Variants in AAGAB observed in about 807,000 individuals in gnomAD.
AAGAB encodes the protein alpha and gamma adaptin binding protein, also known as alpha- and gamma-adaptin-binding protein p34.
A neutral mutation model predicts 44.1 loss-of-function variants in AAGAB; 38 were observed. That is an observed-to-expected ratio of 0.86 (90% CI 0.67 to 1.13). The LOEUF is 1.13. AAGAB is among the 50% of genes most tolerant of loss of function. The probability of loss-of-function intolerance (pLI) is 0.00; values close to 1 mark genes in which losing one functional copy is unlikely to be tolerated. For synonymous variants in AAGAB, 131 were observed against 131.8 expected, an observed-to-expected ratio of 0.99 and a Z score of 0.04; for missense variants, 450 against 373.8, an observed-to-expected ratio of 1.20 and a Z score of -1.68.
At chr15:67,207,910 TATCTC>T (rs1393480246) in intron 7 of AAGAB, among the ~76,000 whole-genome samples, 2 of 152,234 alleles carry the variant, frequency 1.3e-5, no homozygotes, top group Non-Finnish European at 2.9e-5. Context: ...CTACATGAAT[TATCTC>T]ATAAGAAAAA....
At chr15:67,231,295 G>C (rs754692629) in intron 5 of AAGAB, among the ~76,000 whole-genome samples, 2 of 152,142 alleles carry the variant, frequency 1.3e-5, no homozygotes, top group Non-Finnish European at 2.9e-5. Flanking sequence ...TTCTCCACTT[G>C]CCGTTCTCCC....
chr15:67,255,035 C>A, upstream of AAGAB: 1 of 1,309,112 alleles, frequency 7.6e-7, no homozygotes, highest in South Asian at 1.2e-5. Context: ...GACGCTCACC[C>A]ATTTGGTGCG....
At chr15:67,244,379 T>C (rs530704825) in intron 1 of AAGAB, among the ~76,000 whole-genome samples, 1 of 152,206 alleles carries the variant, frequency 6.6e-6, no homozygotes, top group African/African-American at 2.4e-5. Flanking sequence ...CAAGACACCA[T>C]CAAGAAAAAC....
At chr15:67,229,301 T>C (rs1937923745) in intron 5 of AAGAB, among the ~76,000 whole-genome samples, 1 of 151,782 alleles carries the variant, frequency 6.6e-6, no homozygotes, top group Admixed American at 6.6e-5. Context: ...GGAGTGGTGG[T>C]GCGCGCCTGT....
chr15:67,208,450 A>C (rs1402788085), intron 7 of AAGAB, 112 bp downstream of exon 7: 1 of 871,732 alleles, frequency 1.1e-6, no homozygotes, highest in South Asian at 1.6e-5. Flanking sequence ...TATACTACCA[A>C]TTTTTTTCCC....
In AAGAB at chr15:67,203,602, G is replaced by A; in HGVS notation, c.821-5C>T. On this transcript the variant is annotated splice_polypyrimidine_tract_variant and splice_region_variant and intron_variant, in intron 8 of 9. Coordinates refer to ENST00000261880, the MANE Select transcript of AAGAB (RefSeq NM_024666.5). The stretch of plus-strand genomic sequence containing the variant: ...GAGGAAGCGTCGCAGCCTTGTCTAG[G>A]GGGAAAATATATCTTAAGAAATTTG... The A allele has an allele frequency of 1.2e-6, 2 of 1,613,016 alleles. No homozygotes were observed. Among genetic ancestry groups the A allele is most frequent in the Non-Finnish European group, 8.5e-7 (1 of 1,179,654 alleles).
At chr15:67,221,839 G>C (rs1349628829) in intron 5 of AAGAB, among the ~76,000 whole-genome samples, 3 of 152,120 alleles carry the variant, frequency 2.0e-5, no homozygotes, top group African/African-American at 7.2e-5. Context: ...CCAGCAATCT[G>C]AGTCTCAGTT....
upstream of AAGAB, chr15:67,254,867 C>T (rs757709854): frequency 6.2e-7 from 1 of 1,610,492 alleles, no homozygotes; most frequent in Non-Finnish European, 8.5e-7. Context: ...AACCGCGCCT[C>T]CGCGGAGGTA....
chr15:67,227,317 C>T (rs1445002730), intron 5 of AAGAB, among the ~76,000 whole-genome samples: 3 of 151,746 alleles, frequency 2.0e-5, no homozygotes, highest in African/African-American at 7.3e-5. Flanking sequence ...AAAAGGTAAC[C>T]AATACCTCTA....
chr15:67,203,658 G>T, intron 8 of AAGAB, 61 bp from the exon 9 acceptor site: 2 of 1,388,264 alleles, frequency 1.4e-6, no homozygotes, highest in Non-Finnish European at 1.0e-6. Flanking sequence ...TGGAGTATAT[G>T]AATAACACTA....
At chr15:67,234,703 A>G (rs1013605742) in intron 4 of AAGAB, among the ~76,000 whole-genome samples, 7 of 152,360 alleles carry the variant, frequency 4.6e-5, no homozygotes, top group South Asian at 2.1e-4. Context: ...AGATTCCAAA[A>G]TGATAACAGT....
rs759409702 is a variant in AAGAB, at chr15:67,202,871, C to G, written c.898G>C (p.Gly300Arg). Residue 300 changes from glycine to arginine, a missense_variant, in exon 10 of 10, where the codon GGG becomes CGG. Coordinates refer to ENST00000261880, the MANE Select transcript of AAGAB (RefSeq NM_024666.5). ...CCTTCAATTTCATCTCTGTCTCCCC[C>G]GATTGCCATCCAGAATGCTTTGGCC... ...KVAKAFWMAI[G>R]GDRDEIEGLS... 3 of 1,614,042 alleles carry G rather than the reference C, an allele frequency of 1.9e-6. No homozygotes were observed. Among genetic ancestry groups the G allele is most frequent in the Non-Finnish European group, 2.5e-6 (3 of 1,179,948 alleles).
Position 67,210,470 on chromosome 15 carries a change from C to T in AAGAB, c.536-926G>A, listed in dbSNP as rs1258879667. Among the ~76,000 whole-genome samples, 9 of 150,678 alleles carry T rather than the reference C, an allele frequency of 6.0e-5. No individual in the cohort carries two copies. The South Asian group carries it at 6.3e-4, about 11-fold the overall frequency. On this transcript the variant is annotated intron_variant, in intron 5 of 9. Transcript: ENST00000261880. The stretch of plus-strand genomic sequence containing the variant: ...GGCAGAGGTTGCAGTGATCTGAGAT[C>T]GCACCACTGCACTCCAGGCTAGGCA...
At chr15:67,237,158 T>C (rs1031252851) in intron 1 of AAGAB, among the ~76,000 whole-genome samples, 1 of 152,180 alleles carries the variant, frequency 6.6e-6, no homozygotes, top group Admixed American at 6.5e-5. Flanking sequence ...ATTTATTGTA[T>C]TGCTTAAGTA....
chr15:67,244,334 T>C (rs1164918073), intron 1 of AAGAB, among the ~76,000 whole-genome samples: 1 of 152,060 alleles, frequency 6.6e-6, no homozygotes, highest in Non-Finnish European at 1.5e-5. Flanking sequence ...AAAACACTAA[T>C]AAGTAAGACA....
chr15:67,220,810 A>G (rs1166917337), intron 5 of AAGAB, among the ~76,000 whole-genome samples: 2 of 152,240 alleles, frequency 1.3e-5, no homozygotes, highest in Non-Finnish European at 2.9e-5. Context: ...AACTTGAATT[A>G]GGTACAACTG....
At chr15:67,220,135 T>C (rs1382621861) in intron 5 of AAGAB, among the ~76,000 whole-genome samples, 1 of 152,228 alleles carries the variant, frequency 6.6e-6, no homozygotes, top group Non-Finnish European at 1.5e-5. Context: ...CTTTGTTAAG[T>C]GCAAAGACCG....
intron 1 of AAGAB, among the ~76,000 whole-genome samples, chr15:67,244,425 A>G (rs1450713533): frequency 6.6e-6 from 1 of 152,240 alleles, no homozygotes; most frequent in Non-Finnish European, 1.5e-5. Flanking sequence ...AAATGTTTGC[A>G]AATTATATAT....
intron 1 of AAGAB, among the ~76,000 whole-genome samples, chr15:67,238,055 T>C (rs909040509): frequency 5.3e-5 from 8 of 152,216 alleles, no homozygotes; most frequent in Admixed American, 5.2e-4. Flanking sequence ...TAAAGTTTCA[T>C]CATGCAGTTA....
Sources: allele counts gnomAD v4.1 joint callset (sites outside exome capture counted in the v4.1 genomes callset), GRCh38; gene constraint gnomAD v4.1.1; transcripts MANE v1.5; gene names NCBI Gene and HGNC (gene_info 2026-07-23, HGNC 2026-07-21).